The following ACOT12 variants were observed in gnomAD, a reference collection of about 807,000 sequenced individuals.
ACOT12 encodes the protein acetyl-coenzyme A thioesterase.
A neutral mutation model predicts 67.7 loss-of-function variants in ACOT12; 51 were observed. The observed-to-expected ratio is 0.75, with a 90% CI of 0.60 to 0.95. The LOEUF (loss-of-function observed/expected upper bound fraction) is 0.95. ACOT12 is among the 40% of genes least tolerant of loss of function. The pLI is 0.00. For synonymous variants in ACOT12, 251 were observed against 244.6 expected, an observed-to-expected ratio of 1.03 and a Z score of -0.24; for missense variants, 734 against 708.1, an observed-to-expected ratio of 1.04 and a Z score of -0.41.
the ACOT12 span, among the ~76,000 whole-genome samples, chr5:81,315,387 T>TC: frequency 0.019 from 2,873 of 152,302 alleles, 28 homozygotes; most frequent in Non-Finnish European, 0.027. Flanking sequence ...TCTATGACCA[T>TC]CCTTATAGGA....
chr5:81,387,671 A>G (rs1202178124), intron 1 of ACOT12, among the ~76,000 whole-genome samples: 1 of 151,896 alleles, frequency 6.6e-6, no homozygotes, highest in African/African-American at 2.4e-5. Context: ...CTGGGACTAT[A>G]GGCATGTGCC....
intron 13 of ACOT12, among the ~76,000 whole-genome samples, chr5:81,331,293 T>G (rs1298871592): frequency 6.6e-6 from 1 of 152,116 alleles, no homozygotes; most frequent in African/African-American, 2.4e-5. Context: ...ATCCCAGCAC[T>G]TTGGGAGGCT....
At chr5:81,372,748 T>C (rs576979648) in intron 2 of ACOT12, among the ~76,000 whole-genome samples, 2 of 152,366 alleles carry the variant, frequency 1.3e-5, no homozygotes, top group South Asian at 4.1e-4. Context: ...ATCGTTTATT[T>C]TTCTGACTTA....
chr5:81,316,469 A>T, the ACOT12 span, among the ~76,000 whole-genome samples: 16 of 152,290 alleles, frequency 1.1e-4, no homozygotes, highest in Non-Finnish European at 2.1e-4. Context: ...ATCCATAATA[A>T]TCTATTGCAT....
At chr5:81,352,818 G>A (rs1346529901) in intron 5 of ACOT12, among the ~76,000 whole-genome samples, 1 of 152,146 alleles carries the variant, frequency 6.6e-6, no homozygotes, top group African/African-American at 2.4e-5. Flanking sequence ...ACATTTGTAT[G>A]CTTGTATCAC....
intron 5 of ACOT12, among the ~76,000 whole-genome samples, chr5:81,356,283 C>T (rs920817105): frequency 1.3e-5 from 2 of 152,186 alleles, no homozygotes; most frequent in Non-Finnish European, 2.9e-5. Context: ...TTCCTCACTT[C>T]CTGGGACGCA....
At chr5:81,342,590 A>T in intron 11 of ACOT12, 82 bp downstream of exon 11, 1 of 1,359,338 alleles carries the variant, frequency 7.4e-7, no homozygotes, top group Non-Finnish European at 1.0e-6. Context: ...TAAAAGCCTC[A>T]GTAGAAGCAG....
chr5:81,310,157 T>TAAAAAAAAACAAAA, the ACOT12 span, among the ~76,000 whole-genome samples: 1 of 104,776 alleles, frequency 9.5e-6, no homozygotes, highest in Non-Finnish European at 1.8e-5. Flanking sequence ...TGACTAGCTG[T>TAAAAAAAAACAAAA]AAAAAAAAAA....
Position 81,332,523 on chromosome 5 carries a change from T to C in ACOT12, c.1345A>G (p.Lys449Glu), listed in dbSNP as rs1758861571. Residue 449 changes from lysine (K) to glutamate (E), a missense_variant, in exon 13 of 15, where the codon AAA (lysine) becomes GAA (glutamate). Coordinates refer to ENST00000307624, the MANE Select transcript of ACOT12 (RefSeq NM_130767.3). ...CGTGATACGAGTACTACCAAGTCTT[T>C]GGGTTTGTCATCATTCAGTATAGGA... ...TCPILNDDKP[K>E]DLVVLVSRRK... 4 of 1,613,990 alleles carry C rather than the reference T, an allele frequency of 2.5e-6. No individual in the cohort carries two copies. Among genetic ancestry groups the C allele is most frequent in the Admixed American group, 3.3e-5 (2 of 59,986 alleles).
chr5:81,345,074 A>C (rs549261482), intron 7 of ACOT12, 33 bp from the exon 8 acceptor site: 3 of 1,612,184 alleles, frequency 1.9e-6, no homozygotes, highest in Non-Finnish European at 1.7e-6. Context: ...GTGGGCAAAG[A>C]GGATCTTGAC....
intron 4 of ACOT12, among the ~76,000 whole-genome samples, chr5:81,360,504 T>A (rs1179244865): frequency 6.6e-6 from 1 of 152,150 alleles, no homozygotes; most frequent in Non-Finnish European, 1.5e-5. Context: ...TGATACCAAT[T>A]TGGAAATTTC....
chr5:81,370,728 A>G (rs138948222), intron 3 of ACOT12, among the ~76,000 whole-genome samples: 1 of 152,206 alleles, frequency 6.6e-6, no homozygotes, highest in East Asian at 1.9e-4. Context: ...AGCTCCCAGA[A>G]CCGTGGGACA....
chr5:81,392,048 C>G (rs757873873), intron 1 of ACOT12, among the ~76,000 whole-genome samples: 84 of 152,234 alleles, frequency 5.5e-4, no homozygotes, highest in Non-Finnish European at 1.1e-3. Flanking sequence ...AGACTTTAGA[C>G]TTAAGGGACT....
chr5:81,313,545 G>C, the ACOT12 span, among the ~76,000 whole-genome samples: 1 of 152,112 alleles, frequency 6.6e-6, no homozygotes, highest in Non-Finnish European at 1.5e-5. Context: ...AGACCCATTA[G>C]CTTCTTTGTT....
At chr5:81,343,945 A>T in intron 9 of ACOT12, 64 bp from the exon 10 acceptor site, 1 of 1,435,668 alleles carries the variant, frequency 7.0e-7, no homozygotes, top group Admixed American at 1.8e-5. Context: ...CACAACAATA[A>T]CCATAATACT....
intron 5 of ACOT12, among the ~76,000 whole-genome samples, chr5:81,354,037 T>C (rs1338927192): frequency 3.3e-5 from 5 of 152,178 alleles, no homozygotes; most frequent in Admixed American, 2.6e-4. Context: ...TTCTTTAAGA[T>C]GAATTGCTTT....
At chr5:81,311,079 C>T in the ACOT12 span, 7 of 862,272 alleles carry the variant, frequency 8.1e-6, no homozygotes, top group Admixed American at 1.2e-4. Flanking sequence ...TGGCACCTCC[C>T]TATGATCCTG....
chr5:81,391,114 T>G (rs990102707), intron 1 of ACOT12, among the ~76,000 whole-genome samples: 2 of 152,248 alleles, frequency 1.3e-5, no homozygotes, highest in African/African-American at 4.8e-5. Flanking sequence ...TCAGTTCTTT[T>G]GGCCTCAACC....
rs569939496 is a variant in ACOT12, at chr5:81,368,130, A to G, written c.258+3620T>C. Among the ~76,000 whole-genome samples, 94 of 152,230 alleles carry G rather than the reference A, an allele frequency of 6.2e-4. 1 individual carries two copies. The highest frequency in any genetic ancestry group is 2.4e-4 in the Non-Finnish European group (16 of 68,010). ...AACATGGTGAAATCCTTTCTCTACT[A>G]AAAATACAAAAATTAGCTGGGCGTG... is the stretch of plus-strand genomic sequence containing the variant. On this transcript the variant is annotated intron_variant, in intron 3 of 14. Coordinates refer to ENST00000307624, the MANE Select transcript of ACOT12 (RefSeq NM_130767.3).
Sources: gnomAD v4.1 joint callset for allele counts (sites outside exome capture counted in the v4.1 genomes callset) on GRCh38, gnomAD v4.1.1 for gene constraint, MANE v1.5 for transcripts, NCBI Gene and HGNC (gene_info 2026-07-23, HGNC 2026-07-21) for gene names.